The following ADI1 variants were observed in gnomAD, a reference collection of about 807,000 sequenced individuals.
The protein encoded by ADI1 is acireductone dioxygenase 1, also known as acireductone dioxygenase.
In ADI1, 21 loss-of-function variants were observed where a neutral mutation model predicts 18.7. The ratio of observed to expected loss-of-function variants is 1.13; its 90% confidence interval spans 0.80 to 1.62. The LOEUF (loss-of-function observed/expected upper bound fraction) is 1.62, where lower values mean the gene tolerates loss of function less well. Among genes scored for constraint, ADI1 ranks in the 40% most tolerant of loss-of-function variants. The pLI is 0.00. For missense variants in ADI1, 245 were observed against 254.9 expected, an observed-to-expected ratio of 0.96 and a Z score of 0.26; for synonymous variants, 90 against 100.1, an observed-to-expected ratio of 0.90 and a Z score of 0.60.
intron 2 of ADI1, among the ~76,000 whole-genome samples, chr2:3,502,341 T>C (rs1398936654): frequency 2.6e-5 from 4 of 152,188 alleles, no homozygotes; most frequent in African/African-American, 9.6e-5. Flanking sequence ...TACCTTGTTA[T>C]GTGTTACAAA....
chr2:3,500,548 C>T (rs779080849), intron 3 of ADI1: 4 of 526,602 alleles, frequency 7.6e-6, no homozygotes, highest in South Asian at 6.8e-5. Context: ...TACCTGCCGC[C>T]GCCTGTACCT....
At chr2:3,516,872 T>C in intron 1 of ADI1, 4 of 985,232 alleles carry the variant, frequency 4.1e-6, no homozygotes, top group Non-Finnish European at 3.6e-6. Context: ...TGGGAGATGT[T>C]ACATATATAT....
At chr2:3,514,975 TC>T in intron 1 of ADI1, 1 of 1,337,060 alleles carries the variant, frequency 7.5e-7, no homozygotes, top group South Asian at 1.5e-5. Flanking sequence ...AATCCTGTTA[TC>T]TTCGTAAGCT....
intron 3 of ADI1, chr2:3,500,489 A>T: frequency 6.4e-6 from 3 of 472,358 alleles, no homozygotes; most frequent in East Asian, 3.6e-5. Context: ...ACCGCCAAGC[A>T]AGGGCTGGGG....
chr2:3,498,714 T>C lies in ADI1; in HGVS notation c.*249A>G, dbSNP rs1666919753. 1 of 424,168 alleles carries C rather than the reference T, an allele frequency of 2.4e-6. No homozygotes were observed. Among genetic ancestry groups the C allele is most frequent in the Admixed American group, 4.2e-5 (1 of 23,946 alleles). The allele number at this position is 424,168 out of a possible 1,614,324, so 26.3% of individuals were successfully genotyped here. On this transcript the variant is annotated 3_prime_UTR_variant, in exon 4 of 4. Coordinates refer to ENST00000327435, the MANE Select transcript of ADI1 (RefSeq NM_018269.4). Reference sequence around the variant, plus strand: ...TTCATTTGGGACTCAACTGAATGCATGAACTAACACAGGGCCATGGACCCA... The same window carrying C: ...TTCATTTGGGACTCAACTGAATGCACGAACTAACACAGGGCCATGGACCCA...
chr2:3,500,272 A>T (rs368049503), intron 3 of ADI1, among the ~76,000 whole-genome samples: 40 of 152,262 alleles, frequency 2.6e-4, no homozygotes, highest in Middle Eastern at 3.4e-3. Context: ...TTTATTCAAA[A>T]ATTACCCTTA....
At chr2:3,499,795 T>A (rs4591372) in intron 3 of ADI1, among the ~76,000 whole-genome samples, 29,727 of 151,978 alleles carry the variant, frequency 0.2, 3,057 homozygotes, top group East Asian at 0.28. Flanking sequence ...GTGAACATCA[T>A]GTAGAAAAAA....
chr2:3,518,922 A>C (rs1667491517), intron 1 of ADI1, among the ~76,000 whole-genome samples: 1 of 151,756 alleles, frequency 6.6e-6, no homozygotes, highest in African/African-American at 2.4e-5. Flanking sequence ...GAGGCCCCTG[A>C]CTCGCCAACT....
At chr2:3,518,855 G>A (rs185701790) in intron 1 of ADI1, among the ~76,000 whole-genome samples, 10 of 152,334 alleles carry the variant, frequency 6.6e-5, no homozygotes, top group Non-Finnish European at 8.8e-5. Flanking sequence ...CCTGCCGGCC[G>A]ACCCTTCAGG....
intron 1 of ADI1, among the ~76,000 whole-genome samples, chr2:3,519,015 G>T (rs1667494424): frequency 6.6e-6 from 1 of 151,588 alleles, no homozygotes; most frequent in African/African-American, 2.4e-5. Flanking sequence ...AGCATGCGCA[G>T]CCCACCCCAG....
At chr2:3,512,987 T>A (rs1219209565) in intron 2 of ADI1, among the ~76,000 whole-genome samples, 2 of 152,244 alleles carry the variant, frequency 1.3e-5, no homozygotes, top group East Asian at 3.9e-4. Flanking sequence ...GTGCCCTAGA[T>A]GTGGGACATG....
At chr2:3,505,065 T>C (rs1217945106) in intron 2 of ADI1, among the ~76,000 whole-genome samples, 2 of 152,244 alleles carry the variant, frequency 1.3e-5, no homozygotes, top group Non-Finnish European at 2.9e-5. Context: ...TATTGTTGGT[T>C]CACCTGTGTA....
In ADI1 at chr2:3,510,725, T is replaced by C. The variant is rs530057274; in HGVS notation, c.240+3132A>G. ...TGCCTTGAGAGAAACAAACAAATAATGCTCATTCAAGAAAAAATGGGTTAC... is the reference window on the plus strand; with the variant it reads ...TGCCTTGAGAGAAACAAACAAATAACGCTCATTCAAGAAAAAATGGGTTAC... On this transcript the variant is annotated intron_variant, in intron 2 of 3. Transcript: ENST00000327435. 6.6e-5 allele frequency among the ~76,000 whole-genome samples: 10 copies of C among 152,184 alleles called. No homozygotes were observed. In the East Asian group the frequency reaches 1.4e-3, roughly 21 times the overall value.
rs777196905 is a variant in ADI1, at chr2:3,498,694, T to C, written c.*269A>G. 3 of 363,736 alleles carry C rather than the reference T, an allele frequency of 8.2e-6. No homozygotes were observed. Among genetic ancestry groups the C allele is most frequent in the African/African-American group, 4.2e-5 (2 of 47,972 alleles). The allele number at this position is 363,736 out of a possible 1,614,324, so 22.5% of individuals were successfully genotyped here. A position where few individuals can be genotyped will look rare whatever the true frequency, so the allele number is the denominator to read the frequency against. ...GCATTTCGGGAGATGAAACTTTCAT[T>C]TGGGACTCAACTGAATGCATGAACT... On this transcript the variant is annotated 3_prime_UTR_variant, in exon 4 of 4. Transcript: ENST00000327435.
At chr2:3,502,924 AT>A (rs1395824760) in intron 2 of ADI1, among the ~76,000 whole-genome samples, 1 of 152,086 alleles carries the variant, frequency 6.6e-6, no homozygotes, top group East Asian at 1.9e-4. Flanking sequence ...GGGAAAAAAC[AT>A]TGATATGACT....
chr2:3,500,531 CCGCA>C (rs1666973509), intron 3 of ADI1: 3 of 186,526 alleles, frequency 1.6e-5, no homozygotes, highest in African/African-American at 9.3e-4. Flanking sequence ...GTACCTGCCG[CCGCA>C]TGTACCTGCC....
At chr2:3,509,100 A>G (rs1023544578) in intron 2 of ADI1, among the ~76,000 whole-genome samples, 2 of 152,142 alleles carry the variant, frequency 1.3e-5, no homozygotes, top group Non-Finnish European at 2.9e-5. Context: ...GACATTATAT[A>G]ATAATAAATG....
At chr2:3,505,483 T>G (rs1378778845) in intron 2 of ADI1, among the ~76,000 whole-genome samples, 1 of 152,196 alleles carries the variant, frequency 6.6e-6, no homozygotes, top group African/African-American at 2.4e-5. Context: ...AAAGCTCTAC[T>G]GGGTCCCAAC....
At position 3,518,708 on chromosome 2, in the gene ADI1, C is replaced by T. The variant is rs139841684; in HGVS notation, c.120+660G>A. ...CTGGCGCCCGGTCCCTCCCCCAGGA[C>T]ACTTTCAAGCGGAGTCCCCCTTCCT... On this transcript the variant is annotated intron_variant, in intron 1 of 3. Transcript: ENST00000327435. 4.0e-3 allele frequency among the ~76,000 whole-genome samples: 602 copies of T among 152,216 alleles called. 4 individuals carry two copies. The highest frequency in any genetic ancestry group is 0.013 in the African/African-American group (558 of 41,526).
Sources: gnomAD v4.1 joint callset for allele counts (sites outside exome capture counted in the v4.1 genomes callset) on GRCh38, gnomAD v4.1.1 for gene constraint, MANE v1.5 for transcripts, NCBI Gene and HGNC (gene_info 2026-07-23, HGNC 2026-07-21) for gene names.